The following PIGK variants were observed in gnomAD, a reference collection of about 807,000 sequenced individuals.
PIGK encodes the protein GPI-anchor transamidase.
A neutral mutation model predicts 50.6 loss-of-function variants in PIGK; 42 were observed. The ratio of observed to expected loss-of-function variants is 0.83; its 90% CI spans 0.65 to 1.07. The LOEUF (loss-of-function observed/expected upper bound fraction) is 1.07. Ranked by LOEUF, PIGK falls within the 50% of genes least tolerant of loss-of-function variation. The pLI is 0.00. For synonymous variants in PIGK, 151 were observed against 156.0 expected, an observed-to-expected ratio of 0.97 and a Z score of 0.24; for missense variants, 448 against 488.7, an observed-to-expected ratio of 0.92 and a Z score of 0.78.
In PIGK at chr1:77,161,333, C is replaced by T. The variant is rs200133111; in HGVS notation, c.775G>A (p.Glu259Lys). 213 of 1,601,392 alleles carry T rather than the reference C, an allele frequency of 1.3e-4. No individual in the cohort carries two copies. The highest frequency in any genetic ancestry group is 3.0e-4 in the Admixed American group (18 of 59,960). ...YTFYVLEFLEEINPASQTNMN... is the reference protein window; with the variant it reads ...YTFYVLEFLEKINPASQTNMN... ...TTAGTTTGGCTAGCTGGGTTAATTT[C>T]TTCCAAAAATTCCAAGACATAAAAT... is the stretch of plus-strand genomic sequence containing the variant. The change falls in exon 8 of 11, where the codon GAA (glutamate) becomes AAA (lysine). Residue 259 changes from glutamate (E) to lysine (K), a missense_variant. Transcript: ENST00000370812.
At chr1:77,143,655 G>C (rs2100544343) in intron 9 of PIGK, among the ~76,000 whole-genome samples, 1 of 152,170 alleles carries the variant, frequency 6.6e-6, no homozygotes, top group East Asian at 1.9e-4. Flanking sequence ...AACCTACCTT[G>C]ATCGCCAGCA....
At chr1:77,108,458 T>C (rs899340158) in intron 10 of PIGK, among the ~76,000 whole-genome samples, 9 of 152,266 alleles carry the variant, frequency 5.9e-5, no homozygotes, top group Admixed American at 6.5e-5. Flanking sequence ...CCGAGAGATC[T>C]GCTGTTAGTC....
chr1:77,183,705 G>A (rs1655673099), intron 3 of PIGK, among the ~76,000 whole-genome samples: 2 of 152,188 alleles, frequency 1.3e-5, no homozygotes, highest in Non-Finnish European at 2.9e-5. Flanking sequence ...TGCATTTAAT[G>A]TTGCACCTCG....
chr1:77,147,030 A>G (rs572837164), intron 9 of PIGK, among the ~76,000 whole-genome samples: 1 of 150,862 alleles, frequency 6.6e-6, no homozygotes, highest in East Asian at 2.0e-4. Context: ...CACTGCTGAC[A>G]AAGACACACT....
At chr1:77,165,057 G>A (rs1394277537) in intron 5 of PIGK, among the ~76,000 whole-genome samples, 1 of 152,088 alleles carries the variant, frequency 6.6e-6, no homozygotes, top group African/African-American at 2.4e-5. Context: ...CACAGAAACT[G>A]TGTAAACCAA....
At chr1:77,178,601 T>A (rs981268657) in intron 3 of PIGK, among the ~76,000 whole-genome samples, 5 of 152,162 alleles carry the variant, frequency 3.3e-5, no homozygotes, top group African/African-American at 1.2e-4. Flanking sequence ...GTGAGTAGAC[T>A]CTTTATCTAG....
rs1655118971 is a variant in PIGK, at chr1:77,161,146, T to C, written c.813+149A>G. The C allele has an allele frequency of 6.8e-6, 4 of 585,572 alleles. 1 individual carries two copies. In the South Asian group the frequency reaches 7.0e-5, roughly 10 times the overall value. 36.3% of individuals were successfully genotyped at this position (585,572 alleles called of 1,614,324 possible). A position where few individuals can be genotyped will look rare whatever the true frequency, so the allele number is the denominator to read the frequency against. ...GTAGAGAGACAGAGAAATACTAATA[T>C]ACAGGTAAAAGGTAGATATCAAATA... On this transcript the variant is annotated intron_variant, in intron 8 of 10. Coordinates refer to ENST00000370812, the MANE Select transcript of PIGK (RefSeq NM_005482.3).
rs74774538 is a variant in PIGK at position 77,133,963 on chromosome 1, A to G, written c.987-11604T>C. On this transcript the variant is annotated intron_variant, in intron 9 of 10. Transcript: ENST00000370812. ...ACTCTGTCCCCGTTAGTAACCCTTT[A>G]TCAGAGGCCAAGCCCAAATTCTCAC... 9.4e-3 allele frequency among the ~76,000 whole-genome samples: 1,437 copies of G among 152,306 alleles called. 22 individuals are homozygous for G. The highest frequency in any genetic ancestry group is 0.033 in the African/African-American group (1,373 of 41,564).
intron 10 of PIGK, among the ~76,000 whole-genome samples, chr1:77,118,219 C>T (rs1409215436): frequency 6.6e-6 from 1 of 152,112 alleles, no homozygotes; most frequent in Non-Finnish European, 1.5e-5. Context: ...TATTTTTCCA[C>T]TTTGATATCT....
chr1:77,126,725 A>G (rs1346333333), intron 9 of PIGK, among the ~76,000 whole-genome samples: 1 of 152,202 alleles, frequency 6.6e-6, no homozygotes, highest in East Asian at 1.9e-4. Context: ...CTGACAAACC[A>G]TATATAATTC....
At chr1:77,160,243 C>G (rs1655103300) in intron 8 of PIGK, among the ~76,000 whole-genome samples, 1 of 152,190 alleles carries the variant, frequency 6.6e-6, no homozygotes. Flanking sequence ...ATGAAGCCTC[C>G]TCAGCCATGT....
At chr1:77,185,552 A>G (rs1310464498) in intron 3 of PIGK, among the ~76,000 whole-genome samples, 1 of 152,152 alleles carries the variant, frequency 6.6e-6, no homozygotes, top group Middle Eastern at 3.4e-3. Context: ...ACCAAGAAAG[A>G]GGCACAATGC....
intron 10 of PIGK, among the ~76,000 whole-genome samples, chr1:77,102,057 A>C (rs1383059944): frequency 6.6e-6 from 1 of 152,182 alleles, no homozygotes; most frequent in Non-Finnish European, 1.5e-5. Flanking sequence ...CCAATGGAGG[A>C]GATTAAAAGA....
At chr1:77,188,276 G>A (rs186097800) in intron 3 of PIGK, among the ~76,000 whole-genome samples, 4 of 152,232 alleles carry the variant, frequency 2.6e-5, no homozygotes, top group Non-Finnish European at 5.9e-5. Context: ...TTCTCAGCAT[G>A]GAACATCCCT....
intron 3 of PIGK, among the ~76,000 whole-genome samples, chr1:77,186,156 G>A (rs1256934214): frequency 6.6e-6 from 1 of 152,180 alleles, no homozygotes; most frequent in Non-Finnish European, 1.5e-5. Context: ...TTGCCACCCT[G>A]CCTTCTCTCC....
intron 3 of PIGK, among the ~76,000 whole-genome samples, chr1:77,203,376 G>A (rs187258224): frequency 6.6e-6 from 1 of 152,200 alleles, no homozygotes; most frequent in Non-Finnish European, 1.5e-5. Flanking sequence ...AACATTTTAG[G>A]AAGCTAAAAC....
Position 77,094,707 on chromosome 1 carries a change from A to C in PIGK, c.1072-2217T>G, listed in dbSNP as rs184214125. Among the ~76,000 whole-genome samples the C allele has an allele frequency of 2.1e-3, 318 of 152,278 alleles. 1 individual carries two copies. The highest frequency in any genetic ancestry group is 3.5e-3 in the Non-Finnish European group (240 of 68,008). On this transcript the variant is annotated intron_variant, in intron 10 of 10. Transcript: ENST00000370812. ...ATAAGACAACTATGGAAAAAATAGC[A>C]TCTTTGAAAGTAACTATCATTTTTC...
intron 1 of PIGK, among the ~76,000 whole-genome samples, chr1:77,217,663 T>A (rs1370194185): frequency 6.6e-6 from 1 of 152,136 alleles, no homozygotes; most frequent in Non-Finnish European, 1.5e-5. Flanking sequence ...AGGCAAAACA[T>A]TTAGGAAACT....
At chr1:77,141,753 A>C (rs1654654390) in intron 9 of PIGK, among the ~76,000 whole-genome samples, 1 of 152,124 alleles carries the variant, frequency 6.6e-6, no homozygotes, top group Non-Finnish European at 1.5e-5. Flanking sequence ...TACTATATTA[A>C]TTTAATAAAA....
Sources: gnomAD v4.1 joint callset for allele counts (sites outside exome capture counted in the v4.1 genomes callset) on GRCh38, gnomAD v4.1.1 for gene constraint, MANE v1.5 for transcripts, NCBI Gene and HGNC (gene_info 2026-07-23, HGNC 2026-07-21) for gene names.